The following BCL2 variants were observed in gnomAD, a reference collection of about 807,000 sequenced individuals.
BCL2 encodes the protein apoptosis regulator Bcl-2.
In BCL2, 1 loss-of-function variant was observed where a neutral mutation model predicts 14.2. That is an observed-to-expected ratio of 0.07 (90% CI 0.02 to 0.33). The LOEUF (loss-of-function observed/expected upper bound fraction) is 0.33, where lower values mean the gene tolerates loss of function less well. BCL2 is among the 10% of genes least tolerant of loss of function. The pLI is 0.99. For synonymous variants in BCL2, 151 were observed against 137.2 expected (o/e 1.10, Z -0.70); for missense variants, 247 against 305.9 (o/e 0.81, Z 1.44).
intron 2 of BCL2, among the ~76,000 whole-genome samples, chr18:63,162,901 G>A (rs1914958681): frequency 6.6e-6 from 1 of 152,080 alleles, no homozygotes; most frequent in African/African-American, 2.4e-5. Flanking sequence ...CTGTCACTCA[G>A]GCTGGAGTGC....
intron 2 of BCL2, among the ~76,000 whole-genome samples, chr18:63,170,739 C>T (rs1915203349): frequency 6.6e-6 from 1 of 152,174 alleles, no homozygotes; most frequent in Non-Finnish European, 1.5e-5. Flanking sequence ...TTCATTCAGT[C>T]GTACTTCTAT....
intron 2 of BCL2, among the ~76,000 whole-genome samples, chr18:63,185,631 G>A (rs149093791): frequency 2.6e-5 from 4 of 152,370 alleles, no homozygotes; most frequent in Non-Finnish European, 5.9e-5. Context: ...CTGCTGATCT[G>A]TGGCAGAGTC....
chr18:63,318,175 C>T lies in BCL2; in HGVS notation c.492G>A (p.Arg164=). 2 of 1,614,146 alleles carry T rather than the reference C, an allele frequency of 1.2e-6. No individual in the cohort carries two copies. Among genetic ancestry groups the T allele is most frequent in the Non-Finnish European group, 1.7e-6 (2 of 1,180,018 alleles). Reference sequence around the variant, plus strand: ...TGTTGTCCACCAGGGGCGACATCTCCCGGTTGACGCTCTCCACACACATGA... The same window carrying T: ...TGTTGTCCACCAGGGGCGACATCTCTCGGTTGACGCTCTCCACACACATGA... ...GGVMCVESVN[R]EMSPLVDNIA... is the part of the protein sequence containing the mutation. The change falls in exon 2 of 3, where the codon CGG becomes CGA. Residue 164 remains arginine, a synonymous_variant. Coordinates refer to ENST00000333681, the MANE Select transcript of BCL2 (RefSeq NM_000633.3). The surrounding 1 kb of genome is among the most constrained non-coding windows in gnomAD (Gnocchi z 7.4).
chr18:63,302,351 T>C, intron 2 of BCL2: 1 of 984,264 alleles, frequency 1.0e-6, no homozygotes, highest in Non-Finnish European at 1.2e-6. Flanking sequence ...AGGAAATAGT[T>C]GGTGGCTTGT....
chr18:63,215,027 T>A (rs922287880), intron 2 of BCL2, among the ~76,000 whole-genome samples: 12 of 152,292 alleles, frequency 7.9e-5, no homozygotes, highest in Admixed American at 5.2e-4. Flanking sequence ...CTCATTTCTA[T>A]AAATAATACT....
intron 2 of BCL2, among the ~76,000 whole-genome samples, chr18:63,138,559 C>T (rs117826874): frequency 7.2e-5 from 11 of 152,360 alleles, no homozygotes; most frequent in African/African-American, 1.4e-4. Context: ...TGAAGAGGCA[C>T]GGGAGCGTGA....
rs184023523 is a variant in BCL2, at chr18:63,236,131, A to C, written c.585+81951T>G. 2.4e-4 allele frequency among the ~76,000 whole-genome samples: 37 copies of C among 152,294 alleles called. No individual in the cohort carries two copies. The East Asian group carries it at 7.2e-3, about 30-fold the overall frequency. Reference sequence around the variant, plus strand: ...GTTTTATAAATGGGAGTTCCCCTGCACATGGCTCTCTTGCCTGCCCTCATG... The same window carrying C: ...GTTTTATAAATGGGAGTTCCCCTGCCCATGGCTCTCTTGCCTGCCCTCATG... On this transcript the variant is annotated intron_variant, in intron 2 of 2. Transcript: ENST00000333681.
intron 2 of BCL2, among the ~76,000 whole-genome samples, chr18:63,224,768 A>G (rs1478148546): frequency 6.6e-6 from 1 of 152,208 alleles, no homozygotes; most frequent in South Asian, 2.1e-4. Context: ...TGACTGGCTC[A>G]GCCACAGGAC....
chr18:63,307,599 C>T (rs1031431586), intron 2 of BCL2, among the ~76,000 whole-genome samples: 1 of 152,224 alleles, frequency 6.6e-6, no homozygotes. Context: ...CAGGAGAGCT[C>T]ATTTTCTCAC....
Position 63,128,434 on chromosome 18 carries a change from T to A in BCL2, c.*191A>T, listed in dbSNP as rs1913971833. ...TTCCCTTTGGCAGTAAATAGCTGAT[T>A]CGACGTTTTGCCTGAAGACTGTTAA... On this transcript the variant is annotated 3_prime_UTR_variant, in exon 3 of 3. Coordinates refer to ENST00000333681, the MANE Select transcript of BCL2 (RefSeq NM_000633.3). The A allele has an allele frequency of 2.2e-6, 1 of 447,944 alleles. No individual in the cohort carries two copies. Among genetic ancestry groups the A allele is most frequent in the Non-Finnish European group, 4.0e-6 (1 of 249,436 alleles). 27.7% of individuals were successfully genotyped at this position (447,944 alleles called of 1,614,324 possible). A position where few individuals can be genotyped will look rare whatever the true frequency, so the allele number is the denominator to read the frequency against.
At chr18:63,153,160 T>C (rs548726724) in intron 2 of BCL2, among the ~76,000 whole-genome samples, 1 of 152,336 alleles carries the variant, frequency 6.6e-6, no homozygotes, top group Non-Finnish European at 1.5e-5. Context: ...GAATGAGTTA[T>C]CAGTTCTCCT....
At chr18:63,172,636 C>T (rs1205892379) in intron 2 of BCL2, among the ~76,000 whole-genome samples, 1 of 152,122 alleles carries the variant, frequency 6.6e-6, no homozygotes, top group Non-Finnish European at 1.5e-5. Flanking sequence ...AAAAAATTAG[C>T]CAGGTGTGGT....
In BCL2 at chr18:63,302,941, G is replaced by A. The variant is rs563395950; in HGVS notation, c.585+15141C>T. 24 of 939,486 alleles carry A rather than the reference G, an allele frequency of 2.6e-5. No homozygotes were observed. In the South Asian group the frequency reaches 3.0e-4, roughly 12 times the overall value. The allele number at this position is 939,486 out of a possible 1,614,324, so 58.2% of individuals were successfully genotyped here. A position where few individuals can be genotyped will look rare whatever the true frequency, so the allele number is the denominator to read the frequency against. On this transcript the variant is annotated intron_variant, in intron 2 of 2. Transcript: ENST00000333681. Reference sequence around the variant, plus strand: ...GATGGAAATAACTCTCCCTTGATACGCCCTGGTTGCTGAAGGTGGGTTTGT... The same window carrying A: ...GATGGAAATAACTCTCCCTTGATACACCCTGGTTGCTGAAGGTGGGTTTGT...
In BCL2 at chr18:63,127,783, G is replaced by A. The variant is rs2144583259; in HGVS notation, c.*842C>T. 1 of 225,994 alleles carries A rather than the reference G, an allele frequency of 4.4e-6. No individual in the cohort carries two copies. Among genetic ancestry groups the A allele is most frequent in the Non-Finnish European group, 8.8e-6 (1 of 113,314 alleles). The allele number at this position is 225,994 out of a possible 1,614,324, so 14.0% of individuals were successfully genotyped here. On this transcript the variant is annotated 3_prime_UTR_variant, in exon 3 of 3. Transcript: ENST00000333681. ...GGATTCTGTTTCTTACTCAGACAGAGCCAGTATTGGGAGTTGGGGGGTGCG... is the reference window on the plus strand; with the variant it reads ...GGATTCTGTTTCTTACTCAGACAGAACCAGTATTGGGAGTTGGGGGGTGCG...
chr18:63,170,297 A>G (rs1568223221), intron 2 of BCL2, among the ~76,000 whole-genome samples: 1 of 152,134 alleles, frequency 6.6e-6, no homozygotes, highest in Non-Finnish European at 1.5e-5. Flanking sequence ...AGCAACACCA[A>G]GCAGACAAGG....
In BCL2 at chr18:63,318,072, G is replaced by A. The variant is rs2144320915; in HGVS notation, c.585+10C>T. 1 of 1,613,488 alleles carries A rather than the reference G, an allele frequency of 6.2e-7. No individual in the cohort carries two copies. Among genetic ancestry groups the A allele is most frequent in the Non-Finnish European group, 8.5e-7 (1 of 1,179,762 alleles). ...CCTCAGCCCAGACTCACATCACCAA[G>A]TGCACCTACCCAGCCTCCGTTATCC... On this transcript the variant is annotated intron_variant, in intron 2 of 2. Transcript: ENST00000333681. This position sits in a 1 kb window ranked among gnomAD's most constrained non-coding sequence, Gnocchi z 7.4.
chr18:63,270,398 AAAG>A (rs1023688715), intron 2 of BCL2, among the ~76,000 whole-genome samples: 9 of 152,336 alleles, frequency 5.9e-5, no homozygotes, highest in African/African-American at 1.9e-4. Context: ...CTTAACAAAG[AAAG>A]AAGAAGCTCT....
chr18:63,318,688 G>T lies in BCL2; in HGVS notation c.-22C>A. On this transcript the variant is annotated 5_prime_UTR_variant, in exon 2 of 3. Transcript: ENST00000333681. This position sits in a 1 kb window ranked among gnomAD's most constrained non-coding sequence, Gnocchi z 7.4. ...CCATCCTTCCCAGAGGAAAAGCAAC[G>T]GGGGCCAACGGCACCTCTCGCCCCA... The T allele has an allele frequency of 6.2e-7, 1 of 1,611,906 alleles. No homozygotes were observed. Among genetic ancestry groups the T allele is most frequent in the Non-Finnish European group, 8.5e-7 (1 of 1,178,906 alleles).
At chr18:63,301,555 G>A (rs925470609) in intron 2 of BCL2, among the ~76,000 whole-genome samples, 2 of 152,186 alleles carry the variant, frequency 1.3e-5, no homozygotes, top group Non-Finnish European at 2.9e-5. Context: ...GCACAGAAGG[G>A]GCTGAAATGA....
Sources: allele counts gnomAD v4.1 joint callset (sites outside exome capture counted in the v4.1 genomes callset), GRCh38; gene constraint gnomAD v4.1.1; non-coding constraint Gnocchi (gnomAD v3.1); transcripts MANE v1.5; gene names NCBI Gene and HGNC (gene_info 2026-07-23, HGNC 2026-07-21).